RPH3AL: variants seen among roughly 807,000 people sequenced by gnomAD.
The protein encoded by RPH3AL is rab effector Noc2.
RPH3AL carries 38 observed loss-of-function variants against 43.1 expected under a neutral mutation model. The observed-to-expected ratio is 0.88, with a 90% confidence interval of 0.68 to 1.15. The LOEUF is 1.15. Ranked by LOEUF, RPH3AL falls within the 50% of genes most tolerant of loss-of-function variation. The pLI is 0.00. For missense variants in RPH3AL, 462 were observed against 423.2 expected, an observed-to-expected ratio of 1.09 and a Z score of -0.81; for synonymous variants, 189 against 176.3, an observed-to-expected ratio of 1.07 and a Z score of -0.57.
At chr17:226,983 C>T (rs779547615) in intron 7 of RPH3AL, among the ~76,000 whole-genome samples, 21 of 152,196 alleles carry the variant, frequency 1.4e-4, no homozygotes, top group South Asian at 4.2e-4. Context: ...ATGGAAGATG[C>T]GAGTACACCA....
intron 5 of RPH3AL, among the ~76,000 whole-genome samples, chr17:314,156 G>A (rs577476827): frequency 6.6e-6 from 1 of 152,294 alleles, no homozygotes; most frequent in East Asian, 1.9e-4. Context: ...ACCAGCAGCG[G>A]CCTCTGCAGC....
intron 7 of RPH3AL, among the ~76,000 whole-genome samples, chr17:223,379 A>G (rs1395769593): frequency 6.6e-6 from 1 of 152,166 alleles, no homozygotes; most frequent in Non-Finnish European, 1.5e-5. Context: ...AGCAGATGGG[A>G]CAGGAGTCAT....
intron 5 of RPH3AL, among the ~76,000 whole-genome samples, chr17:302,603 G>A (rs995634025): frequency 1.3e-5 from 2 of 152,194 alleles, no homozygotes. Flanking sequence ...CAGGATGGGA[G>A]GCGCCCGCCG....
chr17:238,484 A>G (rs2041455016), intron 7 of RPH3AL, among the ~76,000 whole-genome samples: 1 of 152,176 alleles, frequency 6.6e-6, no homozygotes, highest in Non-Finnish European at 1.5e-5. Flanking sequence ...CGTCCACCTG[A>G]GAATCGCTTC....
rs1025863227 is a variant in RPH3AL at position 290,115 on chromosome 17, C to T, written c.352-8261G>A. Among the ~76,000 whole-genome samples, 3 of 152,252 alleles carry T rather than the reference C, an allele frequency of 2.0e-5. No individual in the cohort carries two copies. Among genetic ancestry groups the T allele is most frequent in the African/African-American group, 4.8e-5 (2 of 41,464 alleles). On this transcript the variant is annotated intron_variant, in intron 5 of 9. Transcript: ENST00000331302. This position sits in a 1 kb window ranked among gnomAD's most constrained non-coding sequence, Gnocchi z 4.2. Reference sequence around the variant, plus strand: ...AGATATTACAGTTGAAAAAGCAAGACAGGCTCCCTCCCGGAACATGCCGAC... The same window carrying T: ...AGATATTACAGTTGAAAAAGCAAGATAGGCTCCCTCCCGGAACATGCCGAC...
chr17:319,464 C>A lies in RPH3AL; in HGVS notation c.307G>T (p.Gly103Cys), dbSNP rs532892676. 1 of 1,612,648 alleles carries A rather than the reference C, an allele frequency of 6.2e-7. No individual in the cohort carries two copies. The highest frequency in any genetic ancestry group is 1.3e-5 in the African/African-American group (1 of 75,018). ...SQCLLCGEVL[G>C]FLGSSSVFCK... ...AACACCGACGAGCTGCCCAGGAAGC[C>A]CAGCACCTCCCCGCAGAGCAGACAC... is the stretch of plus-strand genomic sequence containing the variant. Residue 103 changes from glycine (G) to cysteine (C), a missense_variant, in exon 5 of 10, where the codon GGC (glycine) becomes TGC (cysteine). By Grantham distance (159) the Gly-to-Cys change is radical (BLOSUM62 -3). Transcript: ENST00000331302.
chr17:263,428 G>A (rs1184575508), intron 6 of RPH3AL, among the ~76,000 whole-genome samples: 13 of 152,318 alleles, frequency 8.5e-5, no homozygotes, highest in South Asian at 2.1e-4. Flanking sequence ...AGAAAGGCAC[G>A]GCAGGATCCA....
At chr17:219,863 C>A in intron 7 of RPH3AL, 127 bp from the exon 8 acceptor site, 1 of 671,286 alleles carries the variant, frequency 1.5e-6, no homozygotes, top group South Asian at 1.7e-5. Flanking sequence ...CTGGCCCTTT[C>A]GCTTTGGGCA....
chr17:260,746 A>C (rs1555545989), intron 6 of RPH3AL, among the ~76,000 whole-genome samples: 1 of 152,086 alleles, frequency 6.6e-6, no homozygotes, highest in Non-Finnish European at 1.5e-5. Context: ...CTAAGAGGCA[A>C]GTTAAACAAG....
chr17:317,426 TC>T (rs2044308172), intron 5 of RPH3AL, among the ~76,000 whole-genome samples: 1 of 143,752 alleles, frequency 7.0e-6, no homozygotes, highest in South Asian at 2.2e-4. Flanking sequence ...GCTCCACACC[TC>T]CATTGACCTG....
chr17:219,784 C>T, intron 7 of RPH3AL, 48 bp from the exon 8 acceptor site: 1 of 1,421,536 alleles, frequency 7.0e-7, no homozygotes, highest in Non-Finnish European at 9.9e-7. Context: ...CCAGCCCCTA[C>T]CTGCAGGCAT....
rs139384012 is a variant in RPH3AL, at chr17:302,166, C to T, written c.351+17254G>A. 8.4e-3 allele frequency among the ~76,000 whole-genome samples: 1,280 copies of T among 152,330 alleles called. 9 individuals carry two copies. The highest frequency in any genetic ancestry group is 0.013 in the Non-Finnish European group (876 of 68,028). On this transcript the variant is annotated intron_variant, in intron 5 of 9. Transcript: ENST00000331302. ...CTGCCACTGCGGCATCTGCGGACTG[C>T]GAGGCTGCAAGGCCTGGACTGAGCC...
intron 6 of RPH3AL, among the ~76,000 whole-genome samples, chr17:257,674 G>C (rs868920957): frequency 1.2e-4 from 6 of 50,078 alleles, no homozygotes; most frequent in Admixed American, 8.7e-4. Flanking sequence ...CACGGCGTCT[G>C]TCCTTTTCCG....
intron 1 of RPH3AL, among the ~76,000 whole-genome samples, chr17:348,269 G>C (rs1308141130): frequency 6.6e-6 from 1 of 152,140 alleles, no homozygotes; most frequent in Non-Finnish European, 1.5e-5. Context: ...GATTGCAGGG[G>C]ATTTTGAAGG....
intron 6 of RPH3AL, among the ~76,000 whole-genome samples, chr17:258,414 A>C (rs890419390): frequency 6.6e-6 from 1 of 152,212 alleles, no homozygotes; most frequent in Non-Finnish European, 1.5e-5. Flanking sequence ...GTTTCACTCA[A>C]GTTCCTGTAA....
Position 321,429 on chromosome 17 carries a change from A to C in RPH3AL, c.78-14T>G, listed in dbSNP as rs1215948452. 2 of 1,589,278 alleles carry C rather than the reference A, an allele frequency of 1.3e-6. No homozygotes were observed. The highest frequency in any genetic ancestry group is 1.7e-6 in the Non-Finnish European group (2 of 1,168,718). On this transcript the variant is annotated splice_polypyrimidine_tract_variant and intron_variant, in intron 3 of 9. Coordinates refer to ENST00000331302, the MANE Select transcript of RPH3AL (RefSeq NM_006987.4). ...CCCGTCTGCAGCCTCGAGAGGGAAC[A>C]GCACAGACGGCGTGGAGGCCTCCCC...
intron 7 of RPH3AL, among the ~76,000 whole-genome samples, chr17:230,403 C>T (rs968187535): frequency 8.5e-5 from 13 of 152,264 alleles, no homozygotes; most frequent in Middle Eastern, 3.4e-3. Context: ...ACGCGAAGTG[C>T]GGGGGACCAT....
chr17:335,877 T>A (rs1258749662), intron 1 of RPH3AL: 1 of 151,940 alleles, frequency 6.6e-6, no homozygotes, highest in Non-Finnish European at 1.5e-5. Flanking sequence ...AGGGCTGGGT[T>A]GAAAAGGGGC....
Position 321,281 on chromosome 17 carries a change from T to G in RPH3AL, c.212A>C (p.Gln71Pro). 1 of 1,607,898 alleles carries G rather than the reference T, an allele frequency of 6.2e-7. No homozygotes were observed. Residue 71 changes from glutamine to proline, a missense_variant, in exon 4 of 10, where the codon CAG becomes CCG. Coordinates refer to ENST00000331302, the MANE Select transcript of RPH3AL (RefSeq NM_006987.4). ...RAERLDVLEQ[Q>P]RIGRLVERLE... ...CCCGGCCCCGCCTCACCCGATTCTC[T>G]GCTGCTCCAGGACGTCGAGCCGCTC...
Sources: gnomAD v4.1 joint callset for allele counts (sites outside exome capture counted in the v4.1 genomes callset) on GRCh38, gnomAD v4.1.1 for gene constraint, Gnocchi (gnomAD v3.1) non-coding constraint, MANE v1.5 for transcripts, NCBI Gene and HGNC (gene_info 2026-07-23, HGNC 2026-07-21) for gene names.